Variants in GALC observed in about 807,000 individuals in gnomAD.
GALC encodes the protein galactocerebrosidase.
GALC carries 77 observed loss-of-function variants against 91.8 expected under a neutral mutation model. The ratio of observed to expected loss-of-function variants is 0.84; its 90% CI spans 0.70 to 1.01. GALC has a LOEUF of 1.01. Ranked by LOEUF, GALC falls within the 50% of genes least tolerant of loss-of-function variation. GALC has a pLI of 0.00. For missense variants in GALC, 882 were observed against 855.9 expected (o/e 1.03, Z -0.38); for synonymous variants, 357 against 306.7 (o/e 1.16, Z -1.71).
chr14:87,993,548 C>G (rs944415787), upstream of GALC: 1 of 1,338,782 alleles, frequency 7.5e-7, no homozygotes, highest in African/African-American at 1.5e-5. Context: ...ACACCAGGTC[C>G]CGATTCCATT....
intron 7 of GALC, among the ~76,000 whole-genome samples, chr14:87,974,901 G>A (rs963588548): frequency 2.6e-5 from 4 of 151,738 alleles, no homozygotes; most frequent in African/African-American, 9.7e-5. Flanking sequence ...AAAAAATGAA[G>A]TACATATCCA....
At position 87,934,803 on chromosome 14, in the gene GALC, A is replaced by C. The variant is rs1060499761; in HGVS notation, c.1987T>G (p.Trp663Gly). 1 of 1,613,210 alleles carries C rather than the reference A, an allele frequency of 6.2e-7. No individual in the cohort carries two copies. The highest frequency in any genetic ancestry group is 8.5e-7 in the Non-Finnish European group (1 of 1,179,400). The part of the protein sequence containing the change: ...DIPVNFPKNG[W>G]AAIGTHSFEF... ...AAGGAGTGAGTTCCAATTGCAGCCC[A>C]GCCATTCTTTGGAAAATTCACAGGG... Residue 663 changes from tryptophan to glycine, a missense_variant, in exon 17 of 17, where the codon TGG becomes GGG. Trp to Gly is a radical substitution (Grantham distance 184, BLOSUM62 -2). Coordinates refer to ENST00000261304, the MANE Select transcript of GALC (RefSeq NM_000153.4).
chr14:87,939,944 A>G lies in GALC; in HGVS notation c.1872T>C (p.Val624=), dbSNP rs764356413. The change falls in exon 16 of 17, where the codon GTT becomes GTC. Residue 624 remains valine (V), a synonymous_variant. Coordinates refer to ENST00000261304, the MANE Select transcript of GALC (RefSeq NM_000153.4). ...WIIYALGRVE[V]TAKKWYTLTL... Reference sequence around the variant, plus strand: ...TGAGTGTATACCATTTTTTTGCTGTAACTTCAACACGTCCTAAAGCATATA... The same window carrying G: ...TGAGTGTATACCATTTTTTTGCTGTGACTTCAACACGTCCTAAAGCATATA... 1.2e-6 allele frequency: 2 copies of G among 1,611,002 alleles called. No homozygotes were observed. Among genetic ancestry groups the G allele is most frequent in the South Asian group, 1.1e-5 (1 of 91,020 alleles).
intron 10 of GALC, among the ~76,000 whole-genome samples, chr14:87,960,423 T>C (rs967108945): frequency 1.3e-5 from 2 of 152,218 alleles, no homozygotes; most frequent in African/African-American, 4.8e-5. Context: ...AATGCTTTCA[T>C]CACAAAGGAA....
intron 16 of GALC, among the ~76,000 whole-genome samples, chr14:87,936,920 A>ATT (rs1884600475): frequency 7.1e-6 from 1 of 141,396 alleles, no homozygotes; most frequent in Non-Finnish European, 1.5e-5. Flanking sequence ...ATATTTATTT[A>ATT]TTTTCTCATT....
At chr14:87,992,290 A>G in intron 1 of GALC, 1 of 1,535,714 alleles carries the variant, frequency 6.5e-7, no homozygotes, top group Non-Finnish European at 8.7e-7. Flanking sequence ...ACCAAAAAAC[A>G]AAAACCTTCT....
intron 10 of GALC, chr14:87,955,242 T>C: frequency 1.1e-6 from 1 of 900,622 alleles, no homozygotes; most frequent in Non-Finnish European, 1.9e-6. Context: ...AAGGAAGAAG[T>C]ACTGAAATGA....
At chr14:87,952,843 C>T (rs1885368809) in intron 10 of GALC, 11 of 1,236,592 alleles carry the variant, frequency 8.9e-6, no homozygotes, top group Non-Finnish European at 1.3e-5. Flanking sequence ...GTAACGAGCT[C>T]TAATATGCAA....
In GALC at chr14:87,976,297, T is replaced by C. The variant is rs559186181; in HGVS notation, c.752+61A>G. 1.9e-6 allele frequency: 3 copies of C among 1,587,540 alleles called. No individual in the cohort carries two copies. In the African/African-American group the frequency reaches 4.0e-5, roughly 21 times the overall value. On this transcript the variant is annotated intron_variant, in intron 7 of 16. Transcript: ENST00000261304. ...AAATGGGGAGAAGGCAAGAAAAAGATAGTCAATACACAGAGCAAGCAATCA... is the reference window on the plus strand; with the variant it reads ...AAATGGGGAGAAGGCAAGAAAAAGACAGTCAATACACAGAGCAAGCAATCA...
At position 87,947,302 on chromosome 14, in the gene GALC, A is replaced by T. The variant is rs78394802; in HGVS notation, c.1489+426T>A. On this transcript the variant is annotated intron_variant, in intron 13 of 16. Coordinates refer to ENST00000261304, the MANE Select transcript of GALC (RefSeq NM_000153.4). ...TTAAAAAAAAAGCACGGGATGGTAT[A>T]TAATGAGTTGGATCAGCCAAGGACA... 8.0e-3 allele frequency among the ~76,000 whole-genome samples: 1,219 copies of T among 152,084 alleles called. 23 individuals carry two copies. Among genetic ancestry groups the T allele is most frequent in the East Asian group, 0.045 (232 of 5,124 alleles).
At chr14:87,939,154 A>T (rs1884719865) in intron 16 of GALC, among the ~76,000 whole-genome samples, 1 of 151,936 alleles carries the variant, frequency 6.6e-6, no homozygotes, top group South Asian at 2.1e-4. Context: ...CTAGTGTGGT[A>T]TAGTTAAATA....
chr14:87,980,490 C>T, intron 6 of GALC: 1 of 982,858 alleles, frequency 1.0e-6, no homozygotes, highest in Non-Finnish European at 1.2e-6. Context: ...TTGTTTTTCC[C>T]CCATATCCCT....
At position 87,940,061 on chromosome 14, in the gene GALC, G is replaced by A. The variant is rs552262146; in HGVS notation, c.1835-80C>T. ...AATCATATAATTCAGTGGGGTTCTT[G>A]AGTGGCATCTGTATGTAGTAAAGTC... On this transcript the variant is annotated intron_variant, in intron 15 of 16. Transcript: ENST00000261304. The A allele has an allele frequency of 6.6e-4, 699 of 1,056,546 alleles. 4 individuals are homozygous for A. The Middle Eastern group carries it at 0.021, about 31-fold the overall frequency. 65.4% of individuals were successfully genotyped at this position (1,056,546 alleles called of 1,614,324 possible).
rs1567010023 is a variant in GALC, at chr14:87,984,401, TA to T, written c.574del (p.Tyr192IlefsTer18). ...AKRYHDLDID[Y>X]IGIWNERSYN... Reference sequence around the variant, plus strand: ...TTTAAATATATTACTAACTCCAATATAATCAATGTCCAAATCATGGTAACGC... The same window carrying T: ...TTTAAATATATTACTAACTCCAATATATCAATGTCCAAATCATGGTAACGC... On this transcript the variant is annotated frameshift_variant, in exon 5 of 17. Transcript: ENST00000261304. LOFTEE classifies it high-confidence loss of function. 1 of 1,613,484 alleles carries T rather than the reference TA, an allele frequency of 6.2e-7. No individual in the cohort carries two copies. Among genetic ancestry groups the T allele is most frequent in the Non-Finnish European group, 8.5e-7 (1 of 1,179,460 alleles).
intron 3 of GALC, chr14:87,986,869 A>G (rs887189386): frequency 1.9e-5 from 9 of 471,886 alleles, no homozygotes; most frequent in African/African-American, 1.8e-4. Context: ...GAGAAATGTT[A>G]TCACCTCATA....
At chr14:87,974,358 A>C (rs956656242) in intron 7 of GALC, among the ~76,000 whole-genome samples, 1 of 152,206 alleles carries the variant, frequency 6.6e-6, no homozygotes, top group Admixed American at 6.5e-5. Flanking sequence ...AAAGAATGGC[A>C]TTTTCTAATG....
rs1024030758 is a variant in GALC at position 87,992,799 on chromosome 14, C to A, written c.195+171G>T. ...TCGTGTTAAACGAGAAAGCACCCGC[C>A]CCAGCCCCGCAGCGGGCCCGCCCCA... On this transcript the variant is annotated intron_variant, in intron 1 of 16. Transcript: ENST00000261304. The A allele has an allele frequency of 2.5e-5, 35 of 1,409,150 alleles. No individual in the cohort carries two copies. In the African/African-American group the frequency reaches 4.1e-4, roughly 16 times the overall value. 87.3% of individuals were successfully genotyped at this position (1,409,150 alleles called of 1,614,324 possible).
Position 87,953,992 on chromosome 14 carries a change from G to A in GALC, c.1162-3244C>T. 4 of 1,609,374 alleles carry A rather than the reference G, an allele frequency of 2.5e-6. No individual in the cohort carries two copies. In the East Asian group the frequency reaches 8.9e-5, roughly 36 times the overall value. On this transcript the variant is annotated intron_variant, in intron 10 of 16. Coordinates refer to ENST00000261304, the MANE Select transcript of GALC (RefSeq NM_000153.4). The stretch of plus-strand genomic sequence containing the variant: ...TTTTGGGCATATACAGTGTTTCTTG[G>A]AGATATAATTTTACTCGCAGATGTT...
intron 6 of GALC, chr14:87,976,763 CG>C: frequency 2.7e-6 from 1 of 375,338 alleles, no homozygotes; most frequent in Non-Finnish European, 5.1e-6. Flanking sequence ...TACAGGCACG[CG>C]CCACCACGCC....
Sources: gnomAD v4.1 joint callset for allele counts (sites outside exome capture counted in the v4.1 genomes callset) on GRCh38, gnomAD v4.1.1 for gene constraint, MANE v1.5 for transcripts, NCBI Gene and HGNC (gene_info 2026-07-23, HGNC 2026-07-21) for gene names.